Variants in KIF16B observed in about 807,000 individuals in gnomAD.
KIF16B encodes kinesin-like protein KIF16B.
In KIF16B, 98 loss-of-function variants were observed where a neutral mutation model predicts 156.3. The observed-to-expected ratio is 0.63, with a 90% CI of 0.53 to 0.74. The LOEUF is 0.74. Ranked by LOEUF, KIF16B falls within the 30% of genes least tolerant of loss-of-function variation. The probability of loss-of-function intolerance (pLI) is 0.00; values close to 1 mark genes in which losing one functional copy is unlikely to be tolerated. For synonymous variants in KIF16B, 564 were observed against 583.7 expected, an observed-to-expected ratio of 0.97 and a Z score of 0.49; for missense variants, 1,421 against 1,606.5, an observed-to-expected ratio of 0.88 and a Z score of 1.97.
intron 23 of KIF16B, among the ~76,000 whole-genome samples, chr20:16,347,266 G>A (rs984745735): frequency 6.6e-6 from 1 of 152,116 alleles, no homozygotes; most frequent in Non-Finnish European, 1.5e-5. Context: ...AAGTTCAAAC[G>A]ATTTTGTGAT....
intron 12 of KIF16B, among the ~76,000 whole-genome samples, chr20:16,488,969 C>T (rs529912768): frequency 3.9e-5 from 6 of 152,130 alleles, no homozygotes; most frequent in African/African-American, 7.2e-5. Context: ...AGCCTAACCA[C>T]GAAACAGAAA....
At chr20:16,327,661 G>A (rs1165028367) in intron 24 of KIF16B, among the ~76,000 whole-genome samples, 3 of 152,018 alleles carry the variant, frequency 2.0e-5, no homozygotes, top group African/African-American at 2.4e-5. Flanking sequence ...TGCTCATTGC[G>A]CCTCCACTCA....
chr20:16,430,082 C>A (rs2146440828), intron 12 of KIF16B, 100 bp from the exon 13 acceptor site: 1 of 1,259,052 alleles, frequency 7.9e-7, no homozygotes, highest in South Asian at 1.6e-5. Flanking sequence ...TATTTTATTT[C>A]TCATCTAAAA....
chr20:16,369,084 G>A (rs1337788898), intron 22 of KIF16B: 16 of 985,806 alleles, frequency 1.6e-5, no homozygotes, highest in Non-Finnish European at 1.9e-5. Flanking sequence ...CCCTCTGCTG[G>A]TGAGTTCTCT....
In KIF16B at chr20:16,513,424, C is replaced by T. The variant is rs190654855; in HGVS notation, c.349-501G>A. On this transcript the variant is annotated intron_variant, in intron 4 of 25. Coordinates refer to ENST00000354981, the MANE Select transcript of KIF16B (RefSeq NM_024704.5). Reference sequence around the variant, plus strand: ...TTGTAATCCCAGCACTTTGGGAGGCCGAGGCGGGTGGATCACCTGAGGTCA... The same window carrying T: ...TTGTAATCCCAGCACTTTGGGAGGCTGAGGCGGGTGGATCACCTGAGGTCA... 3.9e-3 allele frequency among the ~76,000 whole-genome samples: 600 copies of T among 151,996 alleles called. 8 individuals carry two copies. The highest frequency in any genetic ancestry group is 0.034 in the East Asian group (177 of 5,156).
chr20:16,517,195 A>C (rs1215315447), intron 3 of KIF16B, among the ~76,000 whole-genome samples: 2 of 152,212 alleles, frequency 1.3e-5, no homozygotes, highest in Non-Finnish European at 2.9e-5. Context: ...CCATCTTCCC[A>C]CTGACTTCTA....
At chr20:16,432,413 C>G (rs8121801) in intron 12 of KIF16B, among the ~76,000 whole-genome samples, 2 of 152,064 alleles carry the variant, frequency 1.3e-5, no homozygotes, top group Non-Finnish European at 2.9e-5. Flanking sequence ...CCAAGACACA[C>G]CTCTGTAACT....
chr20:16,548,337 A>G (rs2070492510), intron 1 of KIF16B, among the ~76,000 whole-genome samples: 1 of 151,916 alleles, frequency 6.6e-6, no homozygotes, highest in African/African-American at 2.4e-5. Context: ...ATTCAGCACT[A>G]CCAGCCCAGG....
At chr20:16,367,330 A>G in intron 22 of KIF16B, 1 of 1,612,880 alleles carries the variant, frequency 6.2e-7, no homozygotes, top group Non-Finnish European at 8.5e-7. Context: ...TGAAGGTTTG[A>G]GTTTCTGTAA....
chr20:16,279,696 C>T (rs977049874), intron 25 of KIF16B, among the ~76,000 whole-genome samples: 11 of 152,016 alleles, frequency 7.2e-5, no homozygotes, highest in African/African-American at 1.2e-4. Flanking sequence ...CAGAGTATCC[C>T]GGTGGTCCAT....
chr20:16,366,107 G>C (rs1307531958), intron 22 of KIF16B, among the ~76,000 whole-genome samples: 1 of 152,152 alleles, frequency 6.6e-6, no homozygotes, highest in Non-Finnish European at 1.5e-5. Context: ...GATCAGAGGA[G>C]CTAGAGACCC....
chr20:16,445,347 T>C (rs1330666684), intron 12 of KIF16B, among the ~76,000 whole-genome samples: 1 of 152,148 alleles, frequency 6.6e-6, no homozygotes, highest in Non-Finnish European at 1.5e-5. Flanking sequence ...AGGAAATCTT[T>C]GGCCTCAGAA....
intron 1 of KIF16B, among the ~76,000 whole-genome samples, chr20:16,529,008 C>T (rs796923569): frequency 2.0e-5 from 3 of 152,312 alleles, no homozygotes; most frequent in African/African-American, 4.8e-5. Flanking sequence ...TGGAGTGTGA[C>T]GCCACTGAAC....
At chr20:16,290,226 A>C (rs192704557) in intron 25 of KIF16B, among the ~76,000 whole-genome samples, 11 of 152,332 alleles carry the variant, frequency 7.2e-5, no homozygotes, top group African/African-American at 2.6e-4. Context: ...AAATTCAAAG[A>C]ATCAGGACCT....
At chr20:16,462,046 C>A (rs919136112) in intron 12 of KIF16B, among the ~76,000 whole-genome samples, 1 of 152,068 alleles carries the variant, frequency 6.6e-6, no homozygotes, top group Non-Finnish European at 1.5e-5. Flanking sequence ...GTCAGGAGTT[C>A]GAGACCAGCC....
At chr20:16,560,688 G>A (rs2071023708) in intron 1 of KIF16B, among the ~76,000 whole-genome samples, 1 of 152,084 alleles carries the variant, frequency 6.6e-6, no homozygotes. Context: ...CTGAGGCTGA[G>A]GTGGGAGGAT....
intron 1 of KIF16B, among the ~76,000 whole-genome samples, chr20:16,547,834 T>C (rs550439714): frequency 1.3e-4 from 20 of 152,352 alleles, no homozygotes; most frequent in African/African-American, 4.3e-4. Context: ...ATCTGGTGCA[T>C]GTCCGGTAAA....
At position 16,528,434 on chromosome 20, in the gene KIF16B, C is replaced by T; in HGVS notation, c.54G>A (p.Lys18=). Residue 18 remains lysine (K), a synonymous_variant, in exon 2 of 26, where the codon AAG becomes AAA. Coordinates refer to ENST00000354981, the MANE Select transcript of KIF16B (RefSeq NM_024704.5). ...GAATAATGAACTTGGCCTCCAAGTC[C>T]TTTTCCCTGCAATACAAATAATTCA... The part of the protein sequence containing the change: ...VRVRPMNRRE[K]DLEAKFIIQM... 6.2e-7 allele frequency: 1 copy of T among 1,609,400 alleles called. No homozygotes were observed. The highest frequency in any genetic ancestry group is 1.7e-5 in the Admixed American group (1 of 60,016).
At chr20:16,303,307 G>C (rs759623991) in intron 25 of KIF16B, among the ~76,000 whole-genome samples, 5 of 152,188 alleles carry the variant, frequency 3.3e-5, no homozygotes, top group Non-Finnish European at 7.3e-5. Context: ...TGGTTCTATA[G>C]TGTATGCTTT....
Sources: allele counts gnomAD v4.1 joint callset (sites outside exome capture counted in the v4.1 genomes callset), GRCh38; gene constraint gnomAD v4.1.1; transcripts MANE v1.5; gene names NCBI Gene and HGNC (gene_info 2026-07-23, HGNC 2026-07-21).